The following IL1RAPL1 variants were observed in gnomAD, a reference collection of about 807,000 sequenced individuals.
The protein encoded by IL1RAPL1 is interleukin 1 receptor accessory protein like 1.
A neutral mutation model predicts 48.4 loss-of-function variants in IL1RAPL1; 3 were observed. The ratio of observed to expected loss-of-function variants is 0.06; its 90% CI spans 0.03 to 0.16. The LOEUF (loss-of-function observed/expected upper bound fraction) is 0.16, where lower values mean the gene tolerates loss of function less well. Ranked by LOEUF, IL1RAPL1 falls within the 10% of genes least tolerant of loss-of-function variation. The pLI is 1.00. For synonymous variants in IL1RAPL1, 185 were observed against 187.7 expected, an observed-to-expected ratio of 0.99 and a Z score of 0.12; for missense variants, 349 against 530.6, an observed-to-expected ratio of 0.66 and a Z score of 3.36.
intron 2 of IL1RAPL1, among the ~76,000 whole-genome samples, chrX:29,253,072 T>C (rs1051911474): frequency 9.0e-6 from 1 of 111,162 alleles, no homozygotes; most frequent in Non-Finnish European, 1.9e-5. Flanking sequence ...GAGATACCTC[T>C]CATTACCTCT....
At chrX:28,785,299 T>A (rs1936463230) in intron 1 of IL1RAPL1, among the ~76,000 whole-genome samples, 1 of 111,697 alleles carries the variant, frequency 9.0e-6, no homozygotes. Flanking sequence ...AATTTTTAAA[T>A]TTTTTTGTAG....
chrX:29,758,306 A>G (rs768472584), intron 6 of IL1RAPL1, among the ~76,000 whole-genome samples: 44 of 111,889 alleles, frequency 3.9e-4, no homozygotes, highest in African/African-American at 1.4e-3. Context: ...TGAGAATTAC[A>G]TTACAAAATA....
intron 5 of IL1RAPL1, among the ~76,000 whole-genome samples, chrX:29,418,089 TAATATATA>T (rs1338293726): frequency 1.9e-4 from 10 of 52,321 alleles, no homozygotes; most frequent in Admixed American, 3.0e-4. Flanking sequence ...TTTAAAAAAG[TAATATATA>T]TATATATATA....
rs770239150 is a variant in IL1RAPL1 at position 29,479,405 on chromosome X, A to T, written c.703+80097A>T. The stretch of plus-strand genomic sequence containing the variant: ...ACTCCAGCCTGGGTGACAGAGCGAG[A>T]CCCTGTCTCAAAAAAAAAAAAAAAA... On this transcript the variant is annotated intron_variant, in intron 5 of 10. Transcript: ENST00000378993. Among the ~76,000 whole-genome samples the T allele has an allele frequency of 5.2e-5, 5 of 95,602 alleles. No individual in the cohort carries two copies. The South Asian group carries it at 2.3e-3, about 45-fold the overall frequency. The allele number at this position is 95,602 out of a possible 115,157, so 83.0% of individuals were successfully genotyped here.
chrX:28,823,795 T>G (rs1409209541), intron 2 of IL1RAPL1, among the ~76,000 whole-genome samples: 10 of 111,648 alleles, frequency 9.0e-5, no homozygotes, highest in Non-Finnish European at 1.7e-4. Flanking sequence ...TTGACCTTCT[T>G]GCCTCCCTGA....
At chrX:29,354,995 A>G (rs1933282815) in intron 3 of IL1RAPL1, among the ~76,000 whole-genome samples, 1 of 111,979 alleles carries the variant, frequency 8.9e-6, no homozygotes, top group Admixed American at 9.5e-5. Flanking sequence ...AAAGAAGGGT[A>G]TGGGGGAAAC....
intron 2 of IL1RAPL1, among the ~76,000 whole-genome samples, chrX:28,969,251 GA>G (rs1420777091): frequency 3.6e-5 from 4 of 111,966 alleles, no homozygotes; most frequent in Non-Finnish European, 5.6e-5. Context: ...AAAACCTACA[GA>G]GACAAACATG....
chrX:29,744,455 TC>T (rs1239132244), intron 6 of IL1RAPL1, among the ~76,000 whole-genome samples: 3 of 112,364 alleles, frequency 2.7e-5, no homozygotes, highest in African/African-American at 9.7e-5. Flanking sequence ...TATATTCTGG[TC>T]CACTTTGAAA....
At chrX:29,820,976 T>G (rs1930599506) in intron 6 of IL1RAPL1, among the ~76,000 whole-genome samples, 1 of 112,100 alleles carries the variant, frequency 8.9e-6, no homozygotes, top group Non-Finnish European at 1.9e-5. Flanking sequence ...TGTCACTTAA[T>G]TATGACAACA....
At chrX:29,284,480 C>T (rs973029278) in intron 3 of IL1RAPL1, among the ~76,000 whole-genome samples, 10 of 112,569 alleles carry the variant, frequency 8.9e-5, no homozygotes, top group Middle Eastern at 4.6e-3. Context: ...TGGTGGCTCA[C>T]GCCTGTAATC....
intron 5 of IL1RAPL1, among the ~76,000 whole-genome samples, chrX:29,657,275 T>A (rs996379922): frequency 4.5e-5 from 5 of 111,955 alleles, no homozygotes; most frequent in African/African-American, 1.6e-4. Context: ...TAGGGCCAGA[T>A]AATTCTTGCG....
chrX:29,928,919 G>A (rs189199292), intron 8 of IL1RAPL1, among the ~76,000 whole-genome samples: 79 of 111,492 alleles, frequency 7.1e-4, no homozygotes, highest in African/African-American at 2.5e-3. Flanking sequence ...TTGATTTCCA[G>A]TAAATTACCA....
At chrX:28,707,301 T>G (rs1935386621) in intron 1 of IL1RAPL1, among the ~76,000 whole-genome samples, 1 of 112,267 alleles carries the variant, frequency 8.9e-6, no homozygotes, top group Admixed American at 9.4e-5. Flanking sequence ...AAATGGTAAA[T>G]AAATAGTTCA....
chrX:29,927,142 C>A (rs910088089), intron 8 of IL1RAPL1, among the ~76,000 whole-genome samples: 2 of 112,112 alleles, frequency 1.8e-5, no homozygotes, highest in Admixed American at 9.5e-5. Context: ...AAAAGCAATT[C>A]ATTAGCCTGG....
At chrX:29,923,800 T>C (rs1932864748) in intron 8 of IL1RAPL1, among the ~76,000 whole-genome samples, 2 of 111,493 alleles carry the variant, frequency 1.8e-5, no homozygotes, top group Admixed American at 1.9e-4. Context: ...ACACAAACAA[T>C]AGTCCAGGTA....
At chrX:29,525,643 T>C (rs1935545602) in intron 5 of IL1RAPL1, among the ~76,000 whole-genome samples, 1 of 112,221 alleles carries the variant, frequency 8.9e-6, no homozygotes, top group Admixed American at 9.5e-5. Flanking sequence ...AAGGAGGTTA[T>C]TCACCTGCCC....
At chrX:29,303,933 A>G (rs1334039939) in intron 3 of IL1RAPL1, among the ~76,000 whole-genome samples, 1 of 111,980 alleles carries the variant, frequency 8.9e-6, no homozygotes, top group Non-Finnish European at 1.9e-5. Flanking sequence ...TCTAATGCCT[A>G]TTTTGAGGGA....
intron 1 of IL1RAPL1, among the ~76,000 whole-genome samples, chrX:28,726,039 G>C (rs1040424863): frequency 8.9e-6 from 1 of 112,057 alleles, no homozygotes; most frequent in African/African-American, 3.2e-5. Flanking sequence ...TAATGCTACA[G>C]CTATCACAGT....
At chrX:28,660,804 A>G (rs563847272) in intron 1 of IL1RAPL1, among the ~76,000 whole-genome samples, 21 of 112,019 alleles carry the variant, frequency 1.9e-4, no homozygotes, top group Admixed American at 3.8e-4. Flanking sequence ...CACACTGGGA[A>G]TGGAAAACAT....
Sources: gnomAD v4.1 joint callset for allele counts (sites outside exome capture counted in the v4.1 genomes callset) on GRCh38, gnomAD v4.1.1 for gene constraint, MANE v1.5 for transcripts, NCBI Gene and HGNC (gene_info 2026-07-23, HGNC 2026-07-21) for gene names.